Variants in MGST2 observed in about 807,000 individuals in gnomAD.
MGST2 encodes the protein microsomal glutathione S-transferase 2, also known as glutathione peroxidase MGST2.
MGST2 carries 9 observed loss-of-function variants against 16.6 expected under a neutral mutation model. The observed-to-expected ratio is 0.54, with a 90% CI of 0.33 to 0.95. MGST2 has a LOEUF of 0.95. Ranked by LOEUF, MGST2 falls within the 40% of genes least tolerant of loss-of-function variation. MGST2 has a pLI of 0.03. For missense variants in MGST2, 159 were observed against 175.1 expected (o/e 0.91, Z 0.52); for synonymous variants, 79 against 68.0 (o/e 1.16, Z -0.79).
At chr4:139,752,074 G>A in the MGST2 span, among the ~76,000 whole-genome samples, 1 of 152,092 alleles carries the variant, frequency 6.6e-6, no homozygotes, top group South Asian at 2.1e-4. Context: ...TTTGGGATTC[G>A]AATTCTAACT....
At position 139,666,010 on chromosome 4, in the gene MGST2, C is replaced by T. The variant is rs763086365; in HGVS notation, c.-10C>T. 5 of 1,613,874 alleles carry T rather than the reference C, an allele frequency of 3.1e-6. No individual in the cohort carries two copies. The highest frequency in any genetic ancestry group is 3.4e-6 in the Non-Finnish European group (4 of 1,179,984). On this transcript the variant is annotated 5_prime_UTR_variant, in exon 1 of 5. Coordinates refer to ENST00000265498, the MANE Select transcript of MGST2 (RefSeq NM_002413.5). ...TTCCCGTGCGCTCTACAAATAGTTCCGTGAGAAAGATGGCCGGGAACTCGA... is the reference window on the plus strand; with the variant it reads ...TTCCCGTGCGCTCTACAAATAGTTCTGTGAGAAAGATGGCCGGGAACTCGA...
At chr4:139,668,872 G>A (rs926851415) in intron 1 of MGST2, among the ~76,000 whole-genome samples, 1 of 152,136 alleles carries the variant, frequency 6.6e-6, no homozygotes, top group African/African-American at 2.4e-5. Flanking sequence ...GGATTTGATA[G>A]GGATATTTCT....
intron 5 of MGST2, chr4:139,717,708 A>C (rs748733798): frequency 1.3e-5 from 2 of 152,308 alleles, no homozygotes; most frequent in Non-Finnish European, 2.9e-5. Flanking sequence ...ACTCTTCCGT[A>C]GTGATCTGCC....
downstream of MGST2, among the ~76,000 whole-genome samples, chr4:139,708,676 A>G (rs1437189073): frequency 5.9e-5 from 9 of 152,124 alleles, 1 homozygote. Context: ...CCAAATGGCA[A>G]TGTGAGATCC....
chr4:139,688,514 T>C (rs1396906869), intron 2 of MGST2, among the ~76,000 whole-genome samples: 1 of 150,164 alleles, frequency 6.7e-6, no homozygotes, highest in East Asian at 2.2e-4. Context: ...TGTGATTCTG[T>C]ATTTTTTTTT....
chr4:139,708,526 G>T (rs545821520), downstream of MGST2, among the ~76,000 whole-genome samples: 1 of 152,286 alleles, frequency 6.6e-6, no homozygotes, highest in African/African-American at 2.4e-5. Flanking sequence ...TTTTGGCTTA[G>T]GATTGACTTG....
the MGST2 span, among the ~76,000 whole-genome samples, chr4:139,748,053 T>TAAA: frequency 1.7e-3 from 159 of 95,492 alleles, 3 homozygotes; most frequent in African/African-American, 4.0e-3. Flanking sequence ...AGACTTCGTC[T>TAAA]AAAAAAAAAA....
At chr4:139,737,296 G>A (rs761220010) in intron 5 of MGST2, among the ~76,000 whole-genome samples, 17 of 151,838 alleles carry the variant, frequency 1.1e-4, no homozygotes, top group Non-Finnish European at 2.4e-4. Context: ...TCACCTGTAT[G>A]TTTAACTCAT....
At chr4:139,725,730 G>C (rs1459865236) in intron 5 of MGST2, 3 of 1,611,164 alleles carry the variant, frequency 1.9e-6, no homozygotes, top group Non-Finnish European at 1.7e-6. Flanking sequence ...TATAAAATGA[G>C]AGAGGTTGCA....
At chr4:139,721,219 C>A (rs540926888) in intron 5 of MGST2, among the ~76,000 whole-genome samples, 3 of 152,190 alleles carry the variant, frequency 2.0e-5, no homozygotes, top group Non-Finnish European at 4.4e-5. Flanking sequence ...CATACCAAGT[C>A]ATTCAACCTT....
intron 1 of MGST2, among the ~76,000 whole-genome samples, chr4:139,666,590 G>C (rs8192008): frequency 0.028 from 4,282 of 152,236 alleles, 179 homozygotes; most frequent in African/African-American, 0.09. Flanking sequence ...ATTAGCTTTA[G>C]ATTAAGTAAT....
At chr4:139,740,011 C>T (rs1389486079) in intron 5 of MGST2, among the ~76,000 whole-genome samples, 1 of 152,132 alleles carries the variant, frequency 6.6e-6, no homozygotes, top group Non-Finnish European at 1.5e-5. Flanking sequence ...TGGCAGGTCC[C>T]CTTTTAAAAC....
downstream of MGST2, among the ~76,000 whole-genome samples, chr4:139,741,886 T>C (rs78250967): frequency 6.6e-6 from 1 of 151,906 alleles, no homozygotes; most frequent in South Asian, 2.1e-4. Flanking sequence ...ATTGCATTTT[T>C]AAAACGCCCT....
intron 3 of MGST2, among the ~76,000 whole-genome samples, chr4:139,699,314 T>G (rs1727109653): frequency 6.6e-6 from 1 of 152,270 alleles, no homozygotes; most frequent in African/African-American, 2.4e-5. Flanking sequence ...ACAAGTGGCA[T>G]CATGCATTAT....
rs1728655717 is a variant in MGST2 at position 139,730,444 on chromosome 4, TGC to T, written c.*49-9767_*49-9766del. On this transcript the variant is annotated intron_variant, in intron 5 of 5. Coordinates refer to the MGST2 transcript ENST00000616265. ...TTCCGCCAAAATCTGCTGCTGCTGC[TGC>T]TGCTGCTGCTGCCTTTGCTCCCGCA... 3.9e-6 allele frequency: 6 copies of T among 1,551,436 alleles called. No homozygotes were observed. The Middle Eastern group carries it at 8.3e-4, about 215-fold the overall frequency.
At chr4:139,667,043 C>G (rs1004536790) in intron 1 of MGST2, among the ~76,000 whole-genome samples, 1 of 152,162 alleles carries the variant, frequency 6.6e-6, no homozygotes, top group African/African-American at 2.4e-5. Flanking sequence ...TAAAGAAGCA[C>G]TTAGATCTGT....
At chr4:139,742,590 G>A (rs1305669491), downstream of MGST2, among the ~76,000 whole-genome samples, 1 of 152,160 alleles carries the variant, frequency 6.6e-6, no homozygotes, top group East Asian at 1.9e-4. Flanking sequence ...TTTAGGTGGG[G>A]CCTATATTTT....
At chr4:139,683,929 T>A (rs955019286) in intron 2 of MGST2, among the ~76,000 whole-genome samples, 1 of 145,612 alleles carries the variant, frequency 6.9e-6, no homozygotes, top group African/African-American at 2.5e-5. Context: ...GTTTTTTTTT[T>A]TTTTTTTTTT....
the MGST2 span, among the ~76,000 whole-genome samples, chr4:139,751,742 A>G: frequency 3.3e-3 from 495 of 152,252 alleles, 3 homozygotes; most frequent in African/African-American, 0.011. Flanking sequence ...TGGAGGGAGG[A>G]GGAAAGAGGA....
Sources: allele counts gnomAD v4.1 joint callset (sites outside exome capture counted in the v4.1 genomes callset), GRCh38; gene constraint gnomAD v4.1.1; transcripts MANE v1.5; gene names NCBI Gene and HGNC (gene_info 2026-07-23, HGNC 2026-07-21).